The following ATP13A4 variants were observed in gnomAD, a reference collection of about 807,000 sequenced individuals.
ATP13A4 encodes ATPase 13A4, also known as probable cation-transporting ATPase 13A4.
ATP13A4 carries 114 observed loss-of-function variants against 142.5 expected under a neutral mutation model. The observed-to-expected ratio is 0.80, with a 90% CI of 0.69 to 0.93. The LOEUF is 0.93. Ranked by LOEUF, ATP13A4 falls within the 40% of genes least tolerant of loss-of-function variation. The pLI, the probability that ATP13A4 is intolerant of heterozygous loss-of-function variation, is 0.00. For missense variants in ATP13A4, 1,392 were observed against 1,454.0 expected (o/e 0.96, Z 0.69); for synonymous variants, 488 against 514.8 (o/e 0.95, Z 0.70).
chr3:193,572,830 T>C (rs2108742050), intron 2 of ATP13A4, among the ~76,000 whole-genome samples: 1 of 152,066 alleles, frequency 6.6e-6, no homozygotes, highest in East Asian at 1.9e-4. Flanking sequence ...TAGGAAGCCT[T>C]ACAAATGTGT....
chr3:193,476,761 G>C (rs1400170602), intron 8 of ATP13A4, among the ~76,000 whole-genome samples: 1 of 151,964 alleles, frequency 6.6e-6, no homozygotes, highest in Non-Finnish European at 1.5e-5. Flanking sequence ...ACAGGGAGTA[G>C]GGAGGCCTGA....
rs371856606 is a variant in ATP13A4, at chr3:193,494,281, C to A, written c.382-1121G>T. On this transcript the variant is annotated intron_variant, in intron 3 of 29. Transcript: ENST00000342695. ...AAACTACACTCTAGACCAAATGGAC[C>A]TAATAGACACTTACAGAACATTCCA... Among the ~76,000 whole-genome samples, 9 of 152,106 alleles carry A rather than the reference C, an allele frequency of 5.9e-5. No individual in the cohort carries two copies. The East Asian group carries it at 1.5e-3, about 26-fold the overall frequency.
intron 23 of ATP13A4, among the ~76,000 whole-genome samples, chr3:193,436,258 A>G (rs73078979): frequency 0.037 from 5,679 of 152,274 alleles, 353 homozygotes; most frequent in African/African-American, 0.13. Context: ...CCAAAACAAT[A>G]CACACTCAAA....
chr3:193,591,290 C>T (rs1240936788), intron 1 of ATP13A4, among the ~76,000 whole-genome samples: 1 of 152,224 alleles, frequency 6.6e-6, no homozygotes, highest in Non-Finnish European at 1.5e-5. Context: ...TCCTCGGCCT[C>T]CCAAAGTGCT....
chr3:193,474,823 T>C (rs534714030), intron 8 of ATP13A4, among the ~76,000 whole-genome samples: 1 of 152,042 alleles, frequency 6.6e-6, no homozygotes, highest in Admixed American at 6.5e-5. Flanking sequence ...GTCATGATCA[T>C]GGAGCTACAT....
At chr3:193,571,242 G>A (rs1225908599) in intron 2 of ATP13A4, among the ~76,000 whole-genome samples, 4 of 143,558 alleles carry the variant, frequency 2.8e-5, no homozygotes, top group African/African-American at 1.1e-4. Context: ...TTGCGTTACT[G>A]CACTCCAGCC....
intron 3 of ATP13A4, among the ~76,000 whole-genome samples, chr3:193,500,456 C>A (rs563684372): frequency 6.6e-6 from 1 of 152,028 alleles, no homozygotes; most frequent in Non-Finnish European, 1.5e-5. Context: ...CACCAAGGAC[C>A]GGTTTTGTGG....
intron 3 of ATP13A4, among the ~76,000 whole-genome samples, chr3:193,495,137 C>T (rs1002534779): frequency 1.3e-5 from 2 of 151,990 alleles, no homozygotes; most frequent in Non-Finnish European, 2.9e-5. Flanking sequence ...AGCTCAGTAC[C>T]TGATGGCTTC....
At position 193,483,159 on chromosome 3, in the gene ATP13A4, C is replaced by T. The variant is rs532954318; in HGVS notation, c.808+777G>A. On this transcript the variant is annotated intron_variant, in intron 8 of 29. Coordinates refer to ENST00000342695, the MANE Select transcript of ATP13A4 (RefSeq NM_032279.4). The stretch of plus-strand genomic sequence containing the variant: ...TAACCAAAAATATATTATAAAAGAC[C>T]CAAAGAATACATACTGTAAAATACC... Among the ~76,000 whole-genome samples the T allele has an allele frequency of 1.1e-3, 174 of 152,036 alleles. 1 individual carries two copies. The highest frequency in any genetic ancestry group is 3.8e-3 in the African/African-American group (159 of 41,462).
chr3:193,432,423 C>T (rs1471407999), intron 25 of ATP13A4, among the ~76,000 whole-genome samples: 1 of 152,076 alleles, frequency 6.6e-6, no homozygotes, highest in East Asian at 1.9e-4. Flanking sequence ...CTTATTTCCA[C>T]TCAAAAATCT....
chr3:193,484,041 T>C, intron 7 of ATP13A4, 36 bp from the exon 8 acceptor site: 1 of 1,527,290 alleles, frequency 6.5e-7, no homozygotes, highest in Non-Finnish European at 9.1e-7. Flanking sequence ...GTCTTATCTA[T>C]TTGAGCATAG....
chr3:193,579,996 TC>T (rs1366266125), intron 2 of ATP13A4, among the ~76,000 whole-genome samples: 1 of 152,208 alleles, frequency 6.6e-6, no homozygotes, highest in East Asian at 1.9e-4. Flanking sequence ...CAGTATTTCT[TC>T]CCCATTCTTT....
intron 2 of ATP13A4, among the ~76,000 whole-genome samples, chr3:193,574,738 T>C (rs548402454): frequency 1.3e-5 from 2 of 152,150 alleles, no homozygotes; most frequent in East Asian, 3.9e-4. Context: ...ACAAAAAACC[T>C]AGATCTCAAG....
At chr3:193,417,685 A>AG (rs1280971390) in intron 25 of ATP13A4, among the ~76,000 whole-genome samples, 1 of 150,858 alleles carries the variant, frequency 6.6e-6, no homozygotes, top group Admixed American at 6.7e-5. Flanking sequence ...ACCCAGAGAC[A>AG]TTAGACAAAA....
chr3:193,412,506 AACACACACACACAC>A lies in ATP13A4; in HGVS notation c.3015-149_3015-136del, dbSNP rs58979821. ...TTCTACAATTGCCTGTGCTTTGGAA[AACACACACACACAC>A]ACACACACACACACACACACACACA... On this transcript the variant is annotated intron_variant, in intron 26 of 29. Coordinates refer to ENST00000342695, the MANE Select transcript of ATP13A4 (RefSeq NM_032279.4). 3,002 of 509,376 alleles carry A rather than the reference AACACACACACACAC, an allele frequency of 5.9e-3. 5 individuals carry two copies. The highest frequency in any genetic ancestry group is 0.032 in the East Asian group (850 of 26,706). The allele number at this position is 509,376 out of a possible 1,614,324, so 31.6% of individuals were successfully genotyped here. A position where few individuals can be genotyped will look rare whatever the true frequency, so the allele number is the denominator to read the frequency against.
chr3:193,477,171 T>C (rs1719016076), intron 8 of ATP13A4, among the ~76,000 whole-genome samples: 1 of 152,116 alleles, frequency 6.6e-6, no homozygotes, highest in Admixed American at 6.5e-5. Flanking sequence ...ATTGAGGAAA[T>C]TTGAACATTG....
chr3:193,569,829 C>A (rs1358707022), intron 2 of ATP13A4, among the ~76,000 whole-genome samples: 1 of 151,436 alleles, frequency 6.6e-6, no homozygotes, highest in Non-Finnish European at 1.5e-5. Flanking sequence ...ACCACTTCAC[C>A]CAGCCAGTAC....
At chr3:193,499,891 G>A (rs755640017) in intron 3 of ATP13A4, among the ~76,000 whole-genome samples, 4 of 152,150 alleles carry the variant, frequency 2.6e-5, no homozygotes, top group Non-Finnish European at 5.9e-5. Context: ...GAAATAAAGA[G>A]GCTACTGATA....
intron 2 of ATP13A4, among the ~76,000 whole-genome samples, chr3:193,581,525 C>T (rs1002506929): frequency 1.3e-5 from 2 of 152,106 alleles, no homozygotes; most frequent in African/African-American, 4.8e-5. Context: ...TAACCACGTG[C>T]CTAGAAAATA....
Sources: gnomAD v4.1 joint callset for allele counts (sites outside exome capture counted in the v4.1 genomes callset) on GRCh38, gnomAD v4.1.1 for gene constraint, MANE v1.5 for transcripts, NCBI Gene and HGNC (gene_info 2026-07-23, HGNC 2026-07-21) for gene names.